Variants in CCNH observed in about 807,000 individuals in gnomAD.
CCNH encodes the protein cyclin-H.
In CCNH, 31 loss-of-function variants were observed where a neutral mutation model predicts 41.9. The ratio of observed to expected loss-of-function variants is 0.74; its 90% confidence interval spans 0.56 to 1.00. The LOEUF (loss-of-function observed/expected upper bound fraction) is 1.00, where lower values mean the gene tolerates loss of function less well. Among genes scored for constraint, CCNH ranks in the 50% least tolerant of loss-of-function variants. The pLI is 0.00. For synonymous variants in CCNH, 138 were observed against 136.1 expected, an observed-to-expected ratio of 1.01 and a Z score of -0.10; for missense variants, 362 against 388.4, an observed-to-expected ratio of 0.93 and a Z score of 0.57.
chr5:87,322,992 A>G (rs1756940288), intron 9 of CCNH, among the ~76,000 whole-genome samples: 1 of 152,188 alleles, frequency 6.6e-6, no homozygotes. Flanking sequence ...TAAGGTGAAG[A>G]TTCTTGGGAG....
At chr5:87,361,963 G>T (rs1760132924) in intron 9 of CCNH, among the ~76,000 whole-genome samples, 1 of 152,170 alleles carries the variant, frequency 6.6e-6, no homozygotes, top group East Asian at 1.9e-4. Context: ...ATGTTGCAGA[G>T]TGGCAGAGGA....
intron 1 of CCNH, 56 bp downstream of exon 1, chr5:87,412,622 G>T: frequency 3.1e-6 from 5 of 1,597,808 alleles, no homozygotes. Flanking sequence ...AAGAGCTCCC[G>T]CAGCTGCTCA....
chr5:87,328,520 CAAAT>C (rs1412076170), intron 9 of CCNH, among the ~76,000 whole-genome samples: 6 of 152,070 alleles, frequency 3.9e-5, no homozygotes, highest in Non-Finnish European at 5.9e-5. Flanking sequence ...GTATTTTAGA[CAAAT>C]AACCACTCCC....
At chr5:87,363,587 C>T in intron 9 of CCNH, 2 of 1,461,794 alleles carry the variant, frequency 1.4e-6, no homozygotes, top group East Asian at 2.3e-5. Context: ...TTTTGAGAGC[C>T]CTAAAATCAT....
upstream of CCNH, chr5:87,379,889 T>C (rs780593009): frequency 3.8e-6 from 6 of 1,585,516 alleles, no homozygotes; most frequent in South Asian, 6.7e-5. Flanking sequence ...AAATTGTGTA[T>C]CTATGTCTTC....
At chr5:87,350,548 T>C (rs947604735) in intron 9 of CCNH, among the ~76,000 whole-genome samples, 2 of 151,736 alleles carry the variant, frequency 1.3e-5, no homozygotes, top group Non-Finnish European at 3.0e-5. Flanking sequence ...AACTTCCTTA[T>C]GATACATCAC....
chr5:87,362,499 T>A, intron 9 of CCNH: 2 of 1,536,532 alleles, frequency 1.3e-6, no homozygotes, highest in Non-Finnish European at 9.0e-7. Flanking sequence ...AGATTTTTAC[T>A]TCATTTCCAT....
downstream of CCNH, chr5:87,386,783 G>A: frequency 1.3e-6 from 2 of 1,529,590 alleles, no homozygotes; most frequent in Middle Eastern, 3.5e-4. Flanking sequence ...ATCAAACAGT[G>A]GTTTGTTTCT....
downstream of CCNH, among the ~76,000 whole-genome samples, chr5:87,315,271 CA>C (rs1756239376): frequency 6.6e-6 from 1 of 152,152 alleles, no homozygotes; most frequent in African/African-American, 2.4e-5. Flanking sequence ...CAAGACTGGG[CA>C]GGGGGGTTGG....
downstream of CCNH, chr5:87,376,190 G>A (rs1761313810): frequency 4.8e-6 from 3 of 627,596 alleles, no homozygotes; most frequent in African/African-American, 1.8e-5. Context: ...AATCATCTCT[G>A]TACTCTCTAC....
chr5:87,330,915 TA>T, intron 9 of CCNH: 1 of 1,372,590 alleles, frequency 7.3e-7, no homozygotes, highest in South Asian at 1.7e-5. Flanking sequence ...TAAAATGGAA[TA>T]AAACATTTTA....
upstream of CCNH, among the ~76,000 whole-genome samples, chr5:87,380,788 TA>T (rs1355107229): frequency 1.3e-5 from 2 of 152,206 alleles, no homozygotes; most frequent in Non-Finnish European, 2.9e-5. Context: ...TTGCATTTTC[TA>T]AAAACATGAA....
intron 5 of CCNH, among the ~76,000 whole-genome samples, chr5:87,404,621 T>C (rs1214595275): frequency 1.3e-5 from 2 of 152,242 alleles, no homozygotes; most frequent in African/African-American, 4.8e-5. Flanking sequence ...TATCAGTCTT[T>C]CAAGGATCAC....
chr5:87,389,322 ACTC>A, downstream of CCNH: 1 of 1,584,416 alleles, frequency 6.3e-7, no homozygotes, highest in Non-Finnish European at 8.6e-7. Flanking sequence ...CAAGAGCGAA[ACTC>A]TGTCTCAAAA....
At chr5:87,379,606 A>G (rs1434090227), upstream of CCNH, 1 of 1,299,890 alleles carries the variant, frequency 7.7e-7, no homozygotes. Flanking sequence ...TATACAAAGA[A>G]AAAAGATCAA....
At chr5:87,341,513 A>T (rs1017421860) in intron 9 of CCNH, among the ~76,000 whole-genome samples, 13 of 152,170 alleles carry the variant, frequency 8.5e-5, no homozygotes, top group African/African-American at 3.1e-4. Context: ...AATAAAAGGT[A>T]GCTGATAACT....
chr5:87,384,787 A>G (rs1043455798), intron 9 of CCNH, among the ~76,000 whole-genome samples: 8 of 152,100 alleles, frequency 5.3e-5, no homozygotes, highest in Admixed American at 4.6e-4. Flanking sequence ...AAATATTTTA[A>G]AAGTTTATTA....
At chr5:87,362,802 T>C in intron 9 of CCNH, 1 of 1,013,886 alleles carries the variant, frequency 9.9e-7, no homozygotes. Flanking sequence ...TTAGAGCCCA[T>C]ATATAAGCAT....
At chr5:87,410,525 C>T (rs115633400) in intron 2 of CCNH, among the ~76,000 whole-genome samples, 1 of 152,070 alleles carries the variant, frequency 6.6e-6, no homozygotes, top group African/African-American at 2.4e-5. Flanking sequence ...AAGCTAGTCA[C>T]GCTGTATAAC....
Sources: allele counts gnomAD v4.1 joint callset (sites outside exome capture counted in the v4.1 genomes callset), GRCh38; gene constraint gnomAD v4.1.1; transcripts MANE v1.5; gene names NCBI Gene and HGNC (gene_info 2026-07-23, HGNC 2026-07-21).